SPTBN4: variants seen among roughly 807,000 people sequenced by gnomAD.
SPTBN4 encodes spectrin beta chain, non-erythrocytic 4.
In SPTBN4, 96 loss-of-function variants were observed where a neutral mutation model predicts 277.8. The ratio of observed to expected loss-of-function variants is 0.35; its 90% confidence interval spans 0.29 to 0.41. The LOEUF (loss-of-function observed/expected upper bound fraction) is 0.41, where lower values mean the gene tolerates loss of function less well. Among genes scored for constraint, SPTBN4 ranks in the 10% least tolerant of loss-of-function variants. SPTBN4 has a pLI of 1.00. For synonymous variants in SPTBN4, 1,481 were observed against 1,580.3 expected, an observed-to-expected ratio of 0.94 and a Z score of 1.49; for missense variants, 3,006 against 3,595.7, an observed-to-expected ratio of 0.84 and a Z score of 4.19.
intron 6 of SPTBN4, among the ~76,000 whole-genome samples, chr19:40,496,121 C>T (rs895464911): frequency 3.3e-5 from 5 of 152,154 alleles, no homozygotes; most frequent in African/African-American, 1.2e-4. Context: ...TTCAGTGTGT[C>T]CGATCCACCT....
Position 40,566,319 on chromosome 19 carries a change from C to G in SPTBN4, c.6296C>G (p.Ala2099Gly). 1 of 1,592,142 alleles carries G rather than the reference C, an allele frequency of 6.3e-7. No individual in the cohort carries two copies. The change falls in exon 30 of 36, where the codon GCC (alanine) becomes GGC (glycine). Residue 2099 changes from alanine to glycine, a missense_variant. This residue lies in a region of SPTBN4 where 630 missense variants were observed against 677.6 expected (regional missense o/e 0.93). Transcript: ENST00000598249. ...GAGGCCTTCCGCAAAGCGGCTGCAG[C>G]CTGGGAAGAGAGGTTCAGCTCTCTG... Reference protein sequence around the residue: ...RHEAFRKAAAAWEERFSSLRR... With the variant: ...RHEAFRKAAAGWEERFSSLRR...
At chr19:40,496,937 G>A (rs1315764012) in intron 6 of SPTBN4, among the ~76,000 whole-genome samples, 1 of 151,924 alleles carries the variant, frequency 6.6e-6, no homozygotes, top group Non-Finnish European at 1.5e-5. Context: ...GCAGGGCCTG[G>A]TGGTGCACAC....
chr19:40,506,132 G>T (rs1028053539), intron 12 of SPTBN4, 104 bp from the exon 13 acceptor site: 41 of 1,432,872 alleles, frequency 2.9e-5, no homozygotes, highest in Middle Eastern at 2.6e-4. Context: ...GGTCAGAGTC[G>T]GGAGTGATGG....
intron 5 of SPTBN4, among the ~76,000 whole-genome samples, chr19:40,494,550 G>GTATC (rs144378904): frequency 2.7e-5 from 4 of 150,852 alleles, no homozygotes; most frequent in East Asian, 3.9e-4. Flanking sequence ...ATGTATGTAT[G>GTATC]TATCTATCTA....
Position 40,560,634 on chromosome 19 carries a change from G to A in SPTBN4, c.5915+231G>A. ...ATCCTTCTGTCCGCTGTCCTTCCCA[G>A]TTGCCTATTATTACCCTCTCCATGG... On this transcript the variant is annotated intron_variant, in intron 27 of 35. Coordinates refer to ENST00000598249, the MANE Select transcript of SPTBN4 (RefSeq NM_020971.3). This position sits in a 1 kb window ranked among gnomAD's most constrained non-coding sequence, Gnocchi z 5.2. The A allele has an allele frequency of 7.0e-7, 1 of 1,433,930 alleles. No individual in the cohort carries two copies. The highest frequency in any genetic ancestry group is 2.9e-5 in the Admixed American group (1 of 35,042). 88.8% of individuals were successfully genotyped at this position (1,433,930 alleles called of 1,614,324 possible). A position where few individuals can be genotyped will look rare whatever the true frequency, so the allele number is the denominator to read the frequency against.
intron 2 of SPTBN4, among the ~76,000 whole-genome samples, chr19:40,475,509 G>A (rs1054274006): frequency 4.6e-5 from 7 of 151,898 alleles, no homozygotes; most frequent in Non-Finnish European, 8.8e-5. Context: ...TGCCCAGGCT[G>A]GAGTGCAGTG....
chr19:40,512,693 G>T lies in SPTBN4; in HGVS notation c.1904G>T (p.Arg635Leu). ...GCGGAGCTGCAGGAGCAGGCAGCGCGGCGACGCGCGGAGCTGGAGGCTTCG... is the reference window on the plus strand; with the variant it reads ...GCGGAGCTGCAGGAGCAGGCAGCGCTGCGACGCGCGGAGCTGGAGGCTTCG... ...CLAELQEQAA[R>L]RRAELEASRS... The change falls in exon 14 of 36, where the codon CGG (arginine) becomes CTG (leucine). Residue 635 changes from arginine (R) to leucine (L), a missense_variant. Coordinates refer to ENST00000598249, the MANE Select transcript of SPTBN4 (RefSeq NM_020971.3). The T allele has an allele frequency of 6.5e-7, 1 of 1,528,426 alleles. No individual in the cohort carries two copies. The highest frequency in any genetic ancestry group is 1.2e-5 in the South Asian group (1 of 83,934). The allele number at this position is 1,528,426 out of a possible 1,614,324, so 94.7% of individuals were successfully genotyped here.
At position 40,560,652 on chromosome 19, in the gene SPTBN4, C is replaced by T; in HGVS notation, c.5915+249C>T. On this transcript the variant is annotated intron_variant, in intron 27 of 35. Transcript: ENST00000598249. The surrounding 1 kb of genome is among the most constrained non-coding windows in gnomAD (Gnocchi z 5.2). The stretch of plus-strand genomic sequence containing the variant: ...CTTCCCAGTTGCCTATTATTACCCT[C>T]TCCATGGGATGTCACAGCATGAAAC... 4.9e-6 allele frequency: 7 copies of T among 1,429,608 alleles called. No individual in the cohort carries two copies. The highest frequency in any genetic ancestry group is 5.5e-6 in the Non-Finnish European group (6 of 1,095,318). The allele number at this position is 1,429,608 out of a possible 1,614,324, so 88.6% of individuals were successfully genotyped here.
At chr19:40,472,000 T>C (rs2079890171) in intron 1 of SPTBN4, among the ~76,000 whole-genome samples, 1 of 143,280 alleles carries the variant, frequency 7.0e-6, no homozygotes, top group Admixed American at 7.6e-5. Context: ...AACCTCCGCC[T>C]CCCGGGTTCA....
At position 40,567,959 on chromosome 19, in the gene SPTBN4, A is replaced by C; in HGVS notation, c.6633A>C (p.Pro2211=). The change falls in exon 31 of 36, where the codon CCA becomes CCC. Residue 2211 remains proline, a synonymous_variant. Coordinates refer to ENST00000598249, the MANE Select transcript of SPTBN4 (RefSeq NM_020971.3). ...RVEPAALPAA[P]EDAAETPATP... is the part of the protein sequence containing the mutation. ...AGCCCGCGGCCCTGCCGGCCGCACC[A>C]GAGGACGCGGCGGAGACCCCCGCGA... 1 of 1,505,708 alleles carries C rather than the reference A, an allele frequency of 6.6e-7. No individual in the cohort carries two copies. Among genetic ancestry groups the C allele is most frequent in the Non-Finnish European group, 8.8e-7 (1 of 1,132,964 alleles). 93.3% of individuals were successfully genotyped at this position (1,505,708 alleles called of 1,614,324 possible).
intron 15 of SPTBN4, among the ~76,000 whole-genome samples, chr19:40,517,567 T>C (rs1213343663): frequency 6.6e-6 from 1 of 152,168 alleles, no homozygotes; most frequent in Non-Finnish European, 1.5e-5. Flanking sequence ...AGTGCTGGAA[T>C]TACAGGCATG....
chr19:40,527,487 G>A (rs1374108789), intron 17 of SPTBN4, among the ~76,000 whole-genome samples: 1 of 152,204 alleles, frequency 6.6e-6, no homozygotes, highest in Admixed American at 6.5e-5. Context: ...TATAGCACGT[G>A]TTAGATTGCG....
chr19:40,570,993 T>G (rs776324133), intron 33 of SPTBN4: 13 of 480,996 alleles, frequency 2.7e-5, no homozygotes, highest in African/African-American at 6.2e-5. Context: ...TCAACTTTGA[T>G]GATTCCAACC....
At chr19:40,480,183 G>A (rs796678111) in intron 2 of SPTBN4, among the ~76,000 whole-genome samples, 74 of 151,532 alleles carry the variant, frequency 4.9e-4, no homozygotes, top group African/African-American at 1.6e-3. Flanking sequence ...CCTGGGAGGC[G>A]GAGCTTGCAA....
rs1217230343 is a variant in SPTBN4, at chr19:40,473,140, C to T, written c.169+350C>T. On this transcript the variant is annotated intron_variant, in intron 2 of 35. Transcript: ENST00000598249. The stretch of plus-strand genomic sequence containing the variant: ...TGGGTCACTGCAATCTCCACCTCAC[C>T]GGCTCAAGCCATCCTCCTACCTCAG... Among the ~76,000 whole-genome samples, 4 of 152,026 alleles carry T rather than the reference C, an allele frequency of 2.6e-5. No homozygotes were observed. The South Asian group carries it at 6.2e-4, about 24-fold the overall frequency.
rs2080955459 is a variant in SPTBN4, at chr19:40,554,510, C to T, written c.4954-6C>T. The T allele has an allele frequency of 6.7e-7, 1 of 1,481,806 alleles. No homozygotes were observed. The highest frequency in any genetic ancestry group is 9.0e-7 in the Non-Finnish European group (1 of 1,112,154). The allele number at this position is 1,481,806 out of a possible 1,614,324, so 91.8% of individuals were successfully genotyped here. A position where few individuals can be genotyped will look rare whatever the true frequency, so the allele number is the denominator to read the frequency against. Reference sequence around the variant, plus strand: ...CCGCCTCATCGTGGGCGCTTTGTGCCCCCAGGACGAACAGAGCACCCTGCA... The same window carrying T: ...CCGCCTCATCGTGGGCGCTTTGTGCTCCCAGGACGAACAGAGCACCCTGCA... On this transcript the variant is annotated splice_polypyrimidine_tract_variant and splice_region_variant and intron_variant, in intron 23 of 35. Coordinates refer to ENST00000598249, the MANE Select transcript of SPTBN4 (RefSeq NM_020971.3). The surrounding 1 kb of genome is among the most constrained non-coding windows in gnomAD (Gnocchi z 5.7).
At position 40,519,937 on chromosome 19, in the gene SPTBN4, C is replaced by A; in HGVS notation, c.3440C>A (p.Ala1147Asp). The A allele has an allele frequency of 6.4e-7, 1 of 1,553,306 alleles. No homozygotes were observed. Among genetic ancestry groups the A allele is most frequent in the Non-Finnish European group, 8.6e-7 (1 of 1,157,404 alleles). ...GTGGACCAGCGCGAGGAAGACTATGCTCGCATCGTGGCGGCCAGCGAGGCG... is the reference window on the plus strand; with the variant it reads ...GTGGACCAGCGCGAGGAAGACTATGATCGCATCGTGGCGGCCAGCGAGGCG... ...EEVDQREEDY[A>D]RIVAASEALL... is the part of the protein sequence containing the mutation. The change falls in exon 16 of 36, where the codon GCT (alanine) becomes GAT (aspartate). Residue 1147 changes from alanine (A) to aspartate (D), a missense_variant. Ala to Asp is a moderately radical substitution (Grantham distance 126). This residue lies in a region of SPTBN4 where 1,759 missense variants were observed against 2,061.5 expected (regional missense o/e 0.85). Transcript: ENST00000598249. This position sits in a 1 kb window ranked among gnomAD's most constrained non-coding sequence, Gnocchi z 5.7.
intron 20 of SPTBN4, among the ~76,000 whole-genome samples, chr19:40,546,885 T>A (rs930228717): frequency 1.4e-4 from 22 of 152,212 alleles, no homozygotes; most frequent in African/African-American, 5.1e-4. Context: ...TGTCTGATGG[T>A]GGTAAGCACT....
chr19:40,489,700 A>C (rs1381385280), intron 3 of SPTBN4, among the ~76,000 whole-genome samples: 2 of 152,126 alleles, frequency 1.3e-5, no homozygotes, highest in African/African-American at 2.4e-5. Context: ...CCATGGGATT[A>C]GTGGCAAAAC....
Sources: gnomAD v4.1 joint callset for allele counts (sites outside exome capture counted in the v4.1 genomes callset) on GRCh38, gnomAD v4.1.1 for gene constraint, gnomAD v4.1.1 regional missense constraint, Gnocchi (gnomAD v3.1) non-coding constraint, MANE v1.5 for transcripts, NCBI Gene and HGNC (gene_info 2026-07-23, HGNC 2026-07-21) for gene names.